HBS1L: variants seen among roughly 807,000 people sequenced by gnomAD.
HBS1L encodes the protein HBS1 like translational GTPase, also known as HBS1-like protein.
A neutral mutation model predicts 88.9 loss-of-function variants in HBS1L; 55 were observed. The observed-to-expected ratio is 0.62, with a 90% CI of 0.50 to 0.77. The LOEUF (loss-of-function observed/expected upper bound fraction) is 0.77, where lower values mean the gene tolerates loss of function less well. HBS1L is among the 30% of genes least tolerant of loss of function. HBS1L has a pLI of 0.00. For synonymous variants in HBS1L, 267 were observed against 288.5 expected (o/e 0.93, Z 0.76); for missense variants, 741 against 829.3 (o/e 0.89, Z 1.31).
Position 135,031,870 on chromosome 6 carries a change from C to A in HBS1L, c.430+7703G>T, listed in dbSNP as rs371941272. Among the ~76,000 whole-genome samples, 327 of 150,116 alleles carry A rather than the reference C, an allele frequency of 2.2e-3. 2 individuals carry two copies. The highest frequency in any genetic ancestry group is 7.3e-3 in the African/African-American group (298 of 40,946). On this transcript the variant is annotated intron_variant, in intron 4 of 17. Transcript: ENST00000367837. ...TTTTTTGAGATGGGGTCTCACCACA[C>A]TGCCCAGGCTGAACCTGAACTCCTG...
At chr6:135,024,136 G>A (rs1238675103) in intron 4 of HBS1L, among the ~76,000 whole-genome samples, 1 of 151,822 alleles carries the variant, frequency 6.6e-6, no homozygotes, top group Non-Finnish European at 1.5e-5. Flanking sequence ...CTGAGAAAAG[G>A]GTCCCTTAAA....
intron 15 of HBS1L, among the ~76,000 whole-genome samples, chr6:134,972,351 A>T (rs1774515369): frequency 6.6e-6 from 1 of 152,226 alleles, no homozygotes; most frequent in African/African-American, 2.4e-5. Context: ...TTCAATAGGG[A>T]AGGAATAGTC....
At chr6:135,016,043 T>C (rs760959379) in intron 4 of HBS1L, among the ~76,000 whole-genome samples, 1 of 152,012 alleles carries the variant, frequency 6.6e-6, no homozygotes, top group Non-Finnish European at 1.5e-5. Flanking sequence ...CCTGCCACCA[T>C]GCCCGGCTAA....
chr6:135,019,219 C>A (rs1396553763), intron 4 of HBS1L, among the ~76,000 whole-genome samples: 1 of 151,826 alleles, frequency 6.6e-6, no homozygotes, highest in East Asian at 1.9e-4. Flanking sequence ...CAGTTGAAAT[C>A]TAAATCCAAG....
intron 12 of HBS1L, 158 bp from the exon 13 acceptor site, chr6:134,982,720 C>CAT (rs1774867444): frequency 4.9e-6 from 2 of 411,274 alleles, no homozygotes; most frequent in Non-Finnish European, 8.6e-6. Flanking sequence ...CTAAATATGG[C>CAT]ATACCACACT....
At chr6:134,975,929 G>A (rs895668418) in intron 15 of HBS1L, among the ~76,000 whole-genome samples, 2 of 152,070 alleles carry the variant, frequency 1.3e-5, no homozygotes, top group African/African-American at 2.4e-5. Context: ...TTAAGCTAAA[G>A]AGCTAGTGCA....
intron 4 of HBS1L, among the ~76,000 whole-genome samples, chr6:135,038,490 C>T (rs1437494512): frequency 2.0e-5 from 3 of 152,192 alleles, no homozygotes; most frequent in African/African-American, 7.2e-5. Context: ...TACAAGATGA[C>T]ATATTACAGA....
Position 135,039,557 on chromosome 6 carries a change from A to T in HBS1L, c.430+16T>A, listed in dbSNP as rs1300989371. ...AACTATGTAAAACAAGTGAAAAAGA[A>T]CAAGTAAAGGCATACCTTTTGCTAT... On this transcript the variant is annotated intron_variant, in intron 4 of 17. Transcript: ENST00000367837. 20 of 1,602,732 alleles carry T rather than the reference A, an allele frequency of 1.2e-5. No homozygotes were observed. The highest frequency in any genetic ancestry group is 1.6e-5 in the Non-Finnish European group (19 of 1,174,516).
At chr6:135,023,316 C>T (rs1290056111) in intron 4 of HBS1L, among the ~76,000 whole-genome samples, 4 of 152,014 alleles carry the variant, frequency 2.6e-5, no homozygotes, top group Admixed American at 2.0e-4. Context: ...TGATGGCGGG[C>T]GCCTGTAGTC....
chr6:135,049,969 G>T (rs1248487205), intron 2 of HBS1L, among the ~76,000 whole-genome samples: 1 of 152,230 alleles, frequency 6.6e-6, no homozygotes, highest in Non-Finnish European at 1.5e-5. Context: ...GTGACAGGAG[G>T]ATCAGGATTA....
At chr6:134,967,495 G>C (rs561235639) in intron 16 of HBS1L, among the ~76,000 whole-genome samples, 2 of 152,146 alleles carry the variant, frequency 1.3e-5, no homozygotes, top group Non-Finnish European at 2.9e-5. Flanking sequence ...CAACGTGCCT[G>C]AACAGGAATG....
In HBS1L at chr6:134,962,465, T is replaced by C. The variant is rs899309966; in HGVS notation, c.*2814A>G. 2 of 152,202 alleles carry C rather than the reference T, an allele frequency of 1.3e-5. No homozygotes were observed. The highest frequency in any genetic ancestry group is 2.9e-5 in the Non-Finnish European group (2 of 68,020). 9.4% of individuals were successfully genotyped at this position (152,202 alleles called of 1,614,324 possible). A position where few individuals can be genotyped will look rare whatever the true frequency, so the allele number is the denominator to read the frequency against. On this transcript the variant is annotated 3_prime_UTR_variant, in exon 18 of 18. Transcript: ENST00000367837. ...CCAAATTTTCTGAAGTCACTATGATTGCATTTTAACAATGGTTAAAACTAT... is the reference window on the plus strand; with the variant it reads ...CCAAATTTTCTGAAGTCACTATGATCGCATTTTAACAATGGTTAAAACTAT...
rs772029883 is a variant in HBS1L at position 134,982,499 on chromosome 6, C to T, written c.1556G>A (p.Arg519Gln). ...IEAGYIQTGDRLLAMPPNETC... is the reference protein window; with the variant it reads ...IEAGYIQTGDQLLAMPPNETC... Reference sequence around the variant, plus strand: ...TTCATTAGGAGGCATTGCCAGTAGTCGGTCACCAGTTTGGATATAACCAGC... The same window carrying T: ...TTCATTAGGAGGCATTGCCAGTAGTTGGTCACCAGTTTGGATATAACCAGC... Residue 519 changes from arginine (R) to glutamine (Q), a missense_variant, in exon 13 of 18, where the codon CGA (arginine) becomes CAA (glutamine). Transcript: ENST00000367837. 1.4e-5 allele frequency: 23 copies of T among 1,611,310 alleles called. No individual in the cohort carries two copies. The highest frequency in any genetic ancestry group is 1.9e-5 in the Non-Finnish European group (22 of 1,178,016).
chr6:134,997,710 A>G, intron 5 of HBS1L, 54 bp from the exon 6 acceptor site: 1 of 1,522,018 alleles, frequency 6.6e-7, no homozygotes. Context: ...TTGATGTCCT[A>G]CAATGACAGA....
intron 3 of HBS1L, 92 bp downstream of exon 3, chr6:135,041,909 G>T: frequency 9.4e-7 from 1 of 1,065,518 alleles, no homozygotes; most frequent in Non-Finnish European, 1.4e-6. Flanking sequence ...ACTGTTCATA[G>T]TCACTGTTAT....
chr6:135,029,949 TG>T (rs1426607083), intron 4 of HBS1L, among the ~76,000 whole-genome samples: 5 of 152,234 alleles, frequency 3.3e-5, no homozygotes, highest in African/African-American at 1.2e-4. Context: ...GGGAAACCTT[TG>T]GAAGAATAAA....
At chr6:134,966,098 A>G (rs1774305505) in intron 17 of HBS1L, among the ~76,000 whole-genome samples, 1 of 152,118 alleles carries the variant, frequency 6.6e-6, no homozygotes, top group African/African-American at 2.4e-5. Flanking sequence ...TTCTTGTTCT[A>G]GTAGCATAAC....
At chr6:135,034,514 C>T (rs528786682) in intron 4 of HBS1L, among the ~76,000 whole-genome samples, 31 of 152,158 alleles carry the variant, frequency 2.0e-4, no homozygotes, top group African/African-American at 5.8e-4. Flanking sequence ...TGTGGTGACA[C>T]GCACCTGTAA....
At chr6:135,028,368 A>G (rs1776294874) in intron 4 of HBS1L, among the ~76,000 whole-genome samples, 1 of 152,158 alleles carries the variant, frequency 6.6e-6, no homozygotes, top group Non-Finnish European at 1.5e-5. Context: ...GAAAAATCTA[A>G]AAGAATAAGA....
Sources: allele counts gnomAD v4.1 joint callset (sites outside exome capture counted in the v4.1 genomes callset), GRCh38; gene constraint gnomAD v4.1.1; transcripts MANE v1.5; gene names NCBI Gene and HGNC (gene_info 2026-07-23, HGNC 2026-07-21).